Variants in NUP210L observed in about 807,000 individuals in gnomAD.
NUP210L encodes the protein nuclear pore membrane glycoprotein 210-like.
Under a neutral mutation model 208.5 loss-of-function variants are expected in NUP210L, and 74 were observed. The ratio of observed to expected loss-of-function variants is 0.35; its 90% CI spans 0.29 to 0.43. NUP210L has a LOEUF of 0.43. Ranked by LOEUF, NUP210L falls within the 20% of genes least tolerant of loss-of-function variation. The pLI, the probability that NUP210L is intolerant of heterozygous loss-of-function variation, is 1.00. For missense variants in NUP210L, 1,843 were observed against 2,289.4 expected (o/e 0.81, Z 3.98); for synonymous variants, 780 against 816.9 (o/e 0.95, Z 0.77).
intron 38 of NUP210L, among the ~76,000 whole-genome samples, chr1:153,994,500 T>G (rs1649705669): frequency 6.6e-6 from 1 of 151,464 alleles, no homozygotes; most frequent in Non-Finnish European, 1.5e-5. Context: ...TTAGTAGAGA[T>G]GGAGTTTCAC....
At chr1:154,016,233 G>T (rs1463336415) in intron 33 of NUP210L, among the ~76,000 whole-genome samples, 1 of 151,830 alleles carries the variant, frequency 6.6e-6, no homozygotes, top group Non-Finnish European at 1.5e-5. Flanking sequence ...TCCAGCCTGG[G>T]CAACAGTGAG....
At chr1:154,083,793 T>C (rs1464793282) in intron 16 of NUP210L, among the ~76,000 whole-genome samples, 2 of 151,728 alleles carry the variant, frequency 1.3e-5, no homozygotes, top group East Asian at 1.9e-4. Context: ...ACAATTGGTG[T>C]GATTGAGGTG....
At position 154,009,951 on chromosome 1, in the gene NUP210L, G is replaced by A. The variant is rs1650807136; in HGVS notation, c.4930+21C>T. 5.0e-6 allele frequency: 8 copies of A among 1,585,128 alleles called. No homozygotes were observed. In the African/African-American group the frequency reaches 9.4e-5, roughly 19 times the overall value. On this transcript the variant is annotated intron_variant, in intron 35 of 39. Transcript: ENST00000368559. ...ATAGATAAACAGAATGGGGAAACCA[G>A]ATTCAACTGGTGTAACTTACCTTTC...
intron 12 of NUP210L, among the ~76,000 whole-genome samples, chr1:154,108,940 A>C (rs764971473): frequency 2.6e-4 from 40 of 151,676 alleles, no homozygotes; most frequent in Non-Finnish European, 4.9e-4. Context: ...GTCTCTACTA[A>C]AAATATAAAA....
intron 31 of NUP210L, 122 bp downstream of exon 31, chr1:154,023,000 A>C (rs1651654269): frequency 8.9e-7 from 1 of 1,129,498 alleles, no homozygotes; most frequent in African/African-American, 1.6e-5. Context: ...TTTTTTTAAC[A>C]AAAGAAAGAT....
chr1:154,118,038 G>C (rs1457248756), intron 11 of NUP210L, among the ~76,000 whole-genome samples, 158 bp from the exon 12 acceptor site: 2 of 152,120 alleles, frequency 1.3e-5, no homozygotes, highest in Non-Finnish European at 2.9e-5. Flanking sequence ...GGCTGGGCAT[G>C]GTGCCTTACA....
At chr1:154,148,775 G>T in intron 2 of NUP210L, among the ~76,000 whole-genome samples, 1 of 152,052 alleles carries the variant, frequency 6.6e-6, no homozygotes, top group Non-Finnish European at 1.5e-5. Flanking sequence ...AGACATGGGG[G>T]TCTATGAACA....
intron 11 of NUP210L, 34 bp from the exon 12 acceptor site, chr1:154,117,914 G>A (rs373658256): frequency 1.1e-4 from 163 of 1,503,456 alleles, no homozygotes; most frequent in Non-Finnish European, 1.3e-4. Context: ...AATTACAATC[G>A]GAAGAAAATA....
chr1:154,091,752 C>T (rs1464465495), intron 15 of NUP210L, among the ~76,000 whole-genome samples: 1 of 151,662 alleles, frequency 6.6e-6, no homozygotes, highest in Non-Finnish European at 1.5e-5. Context: ...CTGCCCGCTT[C>T]GGTCTCCCAA....
chr1:154,066,332 G>A (rs1490587630), intron 17 of NUP210L, among the ~76,000 whole-genome samples: 1 of 152,176 alleles, frequency 6.6e-6, no homozygotes, highest in Non-Finnish European at 1.5e-5. Context: ...TCAATGAATC[G>A]CTGGGCGCGG....
intron 25 of NUP210L, among the ~76,000 whole-genome samples, chr1:154,051,801 C>A (rs1472609759): frequency 6.6e-6 from 1 of 152,226 alleles, no homozygotes; most frequent in Non-Finnish European, 1.5e-5. Flanking sequence ...AGTCTTCTGC[C>A]TCTGTTAAAC....
At chr1:154,065,025 G>A (rs570776421) in intron 17 of NUP210L, among the ~76,000 whole-genome samples, 17 of 151,686 alleles carry the variant, frequency 1.1e-4, no homozygotes, top group South Asian at 2.1e-4. Context: ...GCAATGAGCC[G>A]AGATTGTGCC....
intron 30 of NUP210L, among the ~76,000 whole-genome samples, chr1:154,024,397 A>T (rs1651734378): frequency 6.6e-6 from 1 of 152,170 alleles, no homozygotes; most frequent in African/African-American, 2.4e-5. Flanking sequence ...TGTGGTAGTT[A>T]AAAGAGATAA....
intron 16 of NUP210L, among the ~76,000 whole-genome samples, chr1:154,073,256 T>G (rs1461830102): frequency 6.6e-6 from 1 of 152,166 alleles, no homozygotes; most frequent in Non-Finnish European, 1.5e-5. Flanking sequence ...TTTTTTATTT[T>G]TTGTAGAGAC....
chr1:154,025,422 C>G, intron 30 of NUP210L, 120 bp downstream of exon 30: 42 of 251,476 alleles, frequency 1.7e-4, no homozygotes, highest in East Asian at 6.7e-4. Context: ...TTTTCTTTTT[C>G]TTTTTTTCTT....
chr1:154,122,067 G>C (rs1379153034), intron 10 of NUP210L, among the ~76,000 whole-genome samples: 1 of 152,032 alleles, frequency 6.6e-6, no homozygotes, highest in Non-Finnish European at 1.5e-5. Flanking sequence ...AAACAAGAGA[G>C]ACATAAATGA....
At chr1:154,140,400 C>T (rs1440324829) in intron 4 of NUP210L, among the ~76,000 whole-genome samples, 2 of 149,526 alleles carry the variant, frequency 1.3e-5, no homozygotes, top group East Asian at 2.0e-4. Context: ...GGCGCAGTGG[C>T]TCACGCCTAT....
In NUP210L at chr1:154,143,511, C is replaced by T. The variant is rs747014915; in HGVS notation, c.407G>A (p.Arg136Gln). 5 of 1,613,746 alleles carry T rather than the reference C, an allele frequency of 3.1e-6. No individual in the cohort carries two copies. In the South Asian group the frequency reaches 3.3e-5, roughly 11 times the overall value. ...ATCATCTACATAAAGTTCCCGGGCC[C>T]GAGATACAATTTCAATGCTGTTTAT... The change falls in exon 3 of 40, where the codon CGG becomes CAG. Residue 136 changes from arginine (R) to glutamine (Q), a missense_variant. Arg to Gln is a conservative substitution (Grantham distance 43). This residue lies in a region of NUP210L where 542 missense variants were observed against 606.4 expected (regional missense o/e 0.89). Transcript: ENST00000368559.
intron 27 of NUP210L, among the ~76,000 whole-genome samples, chr1:154,044,119 A>T (rs1653043774): frequency 6.6e-6 from 1 of 151,976 alleles, no homozygotes; most frequent in South Asian, 2.1e-4. Context: ...TTCAAGAAAA[A>T]AGCCCGCTGG....
Sources: gnomAD v4.1 joint callset for allele counts (sites outside exome capture counted in the v4.1 genomes callset) on GRCh38, gnomAD v4.1.1 for gene constraint, gnomAD v4.1.1 regional missense constraint, MANE v1.5 for transcripts, NCBI Gene and HGNC (gene_info 2026-07-23, HGNC 2026-07-21) for gene names.